ESRRG: variants seen among roughly 807,000 people sequenced by gnomAD.
ESRRG encodes the protein estrogen related receptor gamma, also known as estrogen-related receptor gamma.
Under a neutral mutation model 44.0 loss-of-function variants are expected in ESRRG, and 13 were observed. That is an observed-to-expected ratio of 0.30 (90% confidence interval 0.19 to 0.47). ESRRG has a LOEUF of 0.47. Among genes scored for constraint, ESRRG ranks in the 20% least tolerant of loss-of-function variants. The probability of loss-of-function intolerance (pLI) is 1.00; values close to 1 mark genes in which losing one functional copy is unlikely to be tolerated. For synonymous variants in ESRRG, 215 were observed against 214.6 expected, an observed-to-expected ratio of 1.00 and a Z score of -0.02; for missense variants, 395 against 580.6, an observed-to-expected ratio of 0.68 and a Z score of 3.29.
At chr1:216,806,655 T>G (rs2094803068) in intron 2 of ESRRG, among the ~76,000 whole-genome samples, 1 of 152,186 alleles carries the variant, frequency 6.6e-6, no homozygotes, top group Non-Finnish European at 1.5e-5. Flanking sequence ...CCTGCCCCAG[T>G]GTATTATATT....
In ESRRG at chr1:216,575,654, A is replaced by G. The variant is rs113699455; in HGVS notation, c.590-7556T>C. On this transcript the variant is annotated intron_variant, in intron 3 of 6. Transcript: ENST00000408911. ...AAACCGGAACTAGTAAGAGGCAGAA[A>G]CAGGAGTGGAAGTGGGGAGAATGGC... 1.7e-3 allele frequency among the ~76,000 whole-genome samples: 265 copies of G among 152,212 alleles called. 2 individuals are homozygous for G. The highest frequency in any genetic ancestry group is 6.2e-3 in the African/African-American group (256 of 41,550).
chr1:217,022,807 T>G (rs2080558693), intron 1 of ESRRG, among the ~76,000 whole-genome samples: 1 of 151,714 alleles, frequency 6.6e-6, no homozygotes, highest in Non-Finnish European at 1.5e-5. Context: ...AAGCTGTATG[T>G]GCTGGAAAGA....
In ESRRG at chr1:216,568,029, G is replaced by A; in HGVS notation, c.659C>T (p.Pro220Leu). 2 of 1,613,790 alleles carry A rather than the reference G, an allele frequency of 1.2e-6. No individual in the cohort carries two copies. Among genetic ancestry groups the A allele is most frequent in the South Asian group, 1.1e-5 (1 of 91,074 alleles). Residue 220 changes from proline (P) to leucine (L), a missense_variant, in exon 4 of 7, where the codon CCA becomes CTA. This residue lies in a region of ESRRG where 37 missense variants were observed against 32.9 expected (regional missense o/e 1.13). Coordinates refer to ENST00000408911, the MANE Select transcript of ESRRG (RefSeq NM_001438.4). ...YKRRIDAENS[P>L]YLNPQLVQPA... ...CTGAACCAGCTGAGGGTTCAGGTAT[G>A]GGCTGTTCTCCGCATCTATCCTGCG... is the stretch of plus-strand genomic sequence containing the variant.
chr1:216,801,694 C>A (rs766972218), intron 2 of ESRRG, among the ~76,000 whole-genome samples: 1 of 152,086 alleles, frequency 6.6e-6, no homozygotes, highest in East Asian at 1.9e-4. Context: ...TGATTAGTGA[C>A]GTTGAGTACC....
At chr1:216,737,509 CAGG>C (rs1226618190) in intron 2 of ESRRG, among the ~76,000 whole-genome samples, 3 of 152,128 alleles carry the variant, frequency 2.0e-5, no homozygotes, top group Non-Finnish European at 4.4e-5. Context: ...TCTTTGGCAT[CAGG>C]AGTTTTGAAG....
intron 3 of ESRRG, among the ~76,000 whole-genome samples, chr1:216,619,678 T>G (rs1293413427): frequency 6.6e-6 from 1 of 152,204 alleles, no homozygotes; most frequent in Non-Finnish European, 1.5e-5. Flanking sequence ...CCTGCTTACC[T>G]TCCCAACCAT....
intron 2 of ESRRG, among the ~76,000 whole-genome samples, chr1:216,743,364 T>A (rs565574584): frequency 6.6e-6 from 1 of 152,256 alleles, no homozygotes; most frequent in Non-Finnish European, 1.5e-5. Flanking sequence ...ACTCTTAGGA[T>A]CATGGAGAGA....
intron 1 of ESRRG, among the ~76,000 whole-genome samples, chr1:216,943,391 C>T (rs1298837517): frequency 6.6e-6 from 1 of 152,148 alleles, no homozygotes; most frequent in Non-Finnish European, 1.5e-5. Flanking sequence ...AGGGGAATTG[C>T]CTCTCTAAAT....
intron 2 of ESRRG, among the ~76,000 whole-genome samples, chr1:216,866,439 A>C (rs545124957): frequency 6.6e-6 from 1 of 152,346 alleles, no homozygotes; most frequent in South Asian, 2.1e-4. Context: ...ACAAGCATGT[A>C]CATTAGTTTC....
At chr1:216,546,630 G>A (rs1182380700) in intron 5 of ESRRG, among the ~76,000 whole-genome samples, 1 of 151,718 alleles carries the variant, frequency 6.6e-6, no homozygotes, top group Non-Finnish European at 1.5e-5. Context: ...ATTATCAGAT[G>A]TATCAATGAA....
At chr1:217,018,950 G>A (rs1267481538) in intron 1 of ESRRG, among the ~76,000 whole-genome samples, 2 of 152,158 alleles carry the variant, frequency 1.3e-5, no homozygotes, top group East Asian at 1.9e-4. Context: ...ACTGGCACAG[G>A]CACTTTACAA....
chr1:216,690,646 A>T (rs1454996707), intron 1 of ESRRG, among the ~76,000 whole-genome samples: 2 of 152,208 alleles, frequency 1.3e-5, no homozygotes, highest in East Asian at 3.8e-4. Flanking sequence ...TGGGTTAAAC[A>T]TAATAACTAT....
At chr1:216,925,152 A>T (rs2062363024) in intron 2 of ESRRG, among the ~76,000 whole-genome samples, 1 of 152,148 alleles carries the variant, frequency 6.6e-6, no homozygotes, top group African/African-American at 2.4e-5. Context: ...TTATAAAAAC[A>T]TGTTGGCCAA....
At chr1:217,068,676 G>C (rs1469833896) in intron 1 of ESRRG, among the ~76,000 whole-genome samples, 1 of 151,886 alleles carries the variant, frequency 6.6e-6, no homozygotes, top group African/African-American at 2.4e-5. Flanking sequence ...ACAGTAGAAG[G>C]GAGTCGTTTT....
At chr1:216,651,485 A>C (rs772946358) in intron 2 of ESRRG, among the ~76,000 whole-genome samples, 6 of 152,192 alleles carry the variant, frequency 3.9e-5, no homozygotes, top group Non-Finnish European at 8.8e-5. Context: ...GATTCCTAAT[A>C]CTTTGGTGCA....
At chr1:216,573,564 A>G (rs2061203783) in intron 3 of ESRRG, among the ~76,000 whole-genome samples, 1 of 151,984 alleles carries the variant, frequency 6.6e-6, no homozygotes, top group Non-Finnish European at 1.5e-5. Context: ...TCAATTCTGT[A>G]GGTAAACAGA....
intron 2 of ESRRG, among the ~76,000 whole-genome samples, chr1:216,657,318 C>A (rs2070881766): frequency 6.6e-6 from 1 of 152,054 alleles, no homozygotes; most frequent in Non-Finnish European, 1.5e-5. Context: ...AGAAGGCGTC[C>A]ACAGTTCGAC....
chr1:217,041,717 C>A (rs1228115820), intron 1 of ESRRG, among the ~76,000 whole-genome samples: 2 of 152,218 alleles, frequency 1.3e-5, no homozygotes, highest in African/African-American at 4.8e-5. Context: ...TGTCACCCTA[C>A]CAGCTGGCAG....
At chr1:216,868,725 C>A (rs1224974559) in intron 2 of ESRRG, among the ~76,000 whole-genome samples, 8 of 152,120 alleles carry the variant, frequency 5.3e-5, no homozygotes, top group African/African-American at 1.9e-4. Context: ...GTCTCATCAG[C>A]ACTAGGTATA....
Sources: gnomAD v4.1 joint callset for allele counts (sites outside exome capture counted in the v4.1 genomes callset) on GRCh38, gnomAD v4.1.1 for gene constraint, gnomAD v4.1.1 regional missense constraint, MANE v1.5 for transcripts, NCBI Gene and HGNC (gene_info 2026-07-23, HGNC 2026-07-21) for gene names.